CNTNAP2: variants seen among roughly 807,000 people sequenced by gnomAD.
CNTNAP2 encodes the protein contactin-associated protein-like 2.
Under a neutral mutation model 155.2 loss-of-function variants are expected in CNTNAP2, and 98 were observed. The observed-to-expected ratio is 0.63, with a 90% CI of 0.54 to 0.75. CNTNAP2 has a LOEUF of 0.75. Among genes scored for constraint, CNTNAP2 ranks in the 30% least tolerant of loss-of-function variants. CNTNAP2 has a pLI of 0.00. For synonymous variants in CNTNAP2, 651 were observed against 631.2 expected (o/e 1.03, Z -0.47); for missense variants, 1,727 against 1,688.1 (o/e 1.02, Z -0.40).
At chr7:148,008,280 G>A (rs924378858) in intron 15 of CNTNAP2, among the ~76,000 whole-genome samples, 2 of 152,140 alleles carry the variant, frequency 1.3e-5, no homozygotes, top group Non-Finnish European at 2.9e-5. Context: ...GCTGAGGCAG[G>A]AGAATTGCTT....
chr7:146,206,799 C>A (rs1798953896), intron 1 of CNTNAP2, among the ~76,000 whole-genome samples: 1 of 151,944 alleles, frequency 6.6e-6, no homozygotes, highest in Non-Finnish European at 1.5e-5. Flanking sequence ...AAAAATTAAT[C>A]ATCAACATGA....
At chr7:146,663,135 G>A (rs533050348) in intron 1 of CNTNAP2, among the ~76,000 whole-genome samples, 5 of 151,798 alleles carry the variant, frequency 3.3e-5, no homozygotes, top group South Asian at 4.2e-4. Flanking sequence ...AATAATAGCC[G>A]GCTGTGGTGG....
chr7:148,315,103 G>A (rs1399383572), intron 21 of CNTNAP2, among the ~76,000 whole-genome samples: 1 of 152,156 alleles, frequency 6.6e-6, no homozygotes, highest in African/African-American at 2.4e-5. Context: ...TTGGTCTGAG[G>A]ACCAGAGGTC....
At position 146,698,987 on chromosome 7, in the gene CNTNAP2, C is replaced by A. The variant is rs1800830684; in HGVS notation, c.98-75284C>A. The stretch of plus-strand genomic sequence containing the variant: ...TTCCTTTCAATTCTTTCTTGGAGTT[C>A]TCATCTCTATGCCTGCATTACCTAT... On this transcript the variant is annotated intron_variant, in intron 1 of 23. Transcript: ENST00000361727. Among the ~76,000 whole-genome samples the A allele has an allele frequency of 3.3e-5, 5 of 151,920 alleles. No individual in the cohort carries two copies. The South Asian group carries it at 1.0e-3, about 32-fold the overall frequency.
chr7:146,392,240 A>T (rs1319628613), intron 1 of CNTNAP2, among the ~76,000 whole-genome samples: 8 of 152,210 alleles, frequency 5.3e-5, no homozygotes, highest in Admixed American at 2.6e-4. Context: ...TTGAGAAATA[A>T]TACATGCCAA....
chr7:147,717,331 G>A (rs1422443934), intron 13 of CNTNAP2, among the ~76,000 whole-genome samples: 2 of 152,064 alleles, frequency 1.3e-5, no homozygotes, highest in African/African-American at 2.4e-5. Context: ...ACTTAACACG[G>A]CCAACACTAA....
chr7:146,767,528 A>G (rs777822905), intron 1 of CNTNAP2, among the ~76,000 whole-genome samples: 3 of 152,146 alleles, frequency 2.0e-5, no homozygotes, highest in Admixed American at 6.5e-5. Context: ...ATTGTATGAA[A>G]TTCTACAGGA....
At chr7:147,192,673 C>T (rs183951863) in intron 8 of CNTNAP2, among the ~76,000 whole-genome samples, 290 of 152,256 alleles carry the variant, frequency 1.9e-3, no homozygotes, top group Non-Finnish European at 3.2e-3. Flanking sequence ...TTTCCTTCTT[C>T]CCTGAACTGT....
At chr7:147,553,854 C>A (rs558578309) in intron 11 of CNTNAP2, among the ~76,000 whole-genome samples, 5 of 152,108 alleles carry the variant, frequency 3.3e-5, no homozygotes, top group Non-Finnish European at 7.4e-5. Context: ...GCCTGTAATC[C>A]CAGCTACCAA....
intron 1 of CNTNAP2, among the ~76,000 whole-genome samples, chr7:146,612,887 T>C (rs1032859088): frequency 1.3e-5 from 2 of 151,796 alleles, no homozygotes; most frequent in African/African-American, 2.4e-5. Flanking sequence ...CAATGTTGTT[T>C]AATCTTAGGA....
intron 2 of CNTNAP2, among the ~76,000 whole-genome samples, chr7:146,808,210 T>G (rs1482667093): frequency 1.3e-5 from 2 of 152,206 alleles, no homozygotes; most frequent in Non-Finnish European, 1.5e-5. Flanking sequence ...TATTTTCATC[T>G]CCTCACAATA....
rs534421880 is a variant in CNTNAP2 at position 146,931,739 on chromosome 7, A to C, written c.402+91835A>C. 2.5e-3 allele frequency among the ~76,000 whole-genome samples: 375 copies of C among 150,056 alleles called. 1 individual carries two copies. Among genetic ancestry groups the C allele is most frequent in the African/African-American group, 8.7e-3 (356 of 40,814 alleles). ...AGAAGAATCAAATAGACACAATAAA[A>C]AATGATAAAGGGGATATCACCACCG... On this transcript the variant is annotated intron_variant, in intron 3 of 23. Coordinates refer to ENST00000361727, the MANE Select transcript of CNTNAP2 (RefSeq NM_014141.6).
At chr7:146,907,013 C>A (rs984246314) in intron 3 of CNTNAP2, among the ~76,000 whole-genome samples, 40 of 150,148 alleles carry the variant, frequency 2.7e-4, no homozygotes, top group South Asian at 4.3e-4. Context: ...ATGCAGAAGC[C>A]TCAGGAGCCG....
chr7:148,077,536 A>G (rs1339336751), intron 15 of CNTNAP2, among the ~76,000 whole-genome samples: 2 of 152,224 alleles, frequency 1.3e-5, no homozygotes, highest in Admixed American at 6.5e-5. Context: ...TCCCATTTCA[A>G]GAAACCCTGG....
At position 148,418,598 on chromosome 7, in the gene CNTNAP2, G is replaced by A. The variant is rs1800046724; in HGVS notation, c.*2982G>A. Reference sequence around the variant, plus strand: ...GAATGCAAGGTTAGTGAGATCCTAAGCTCTCAAAATAGCATATTCCCTAGA... The same window carrying A: ...GAATGCAAGGTTAGTGAGATCCTAAACTCTCAAAATAGCATATTCCCTAGA... On this transcript the variant is annotated 3_prime_UTR_variant, in exon 24 of 24. Coordinates refer to ENST00000361727, the MANE Select transcript of CNTNAP2 (RefSeq NM_014141.6). 1 of 152,214 alleles carries A rather than the reference G, an allele frequency of 6.6e-6. No individual in the cohort carries two copies. The allele number at this position is 152,214 out of a possible 1,614,324, so 9.4% of individuals were successfully genotyped here.
chr7:147,592,772 GA>G (rs767216043), intron 12 of CNTNAP2, among the ~76,000 whole-genome samples: 4 of 152,164 alleles, frequency 2.6e-5, no homozygotes, highest in Non-Finnish European at 5.9e-5. Flanking sequence ...AACCCACTGT[GA>G]AATTTTCATT....
chr7:146,313,835 C>A (rs191785866), intron 1 of CNTNAP2, among the ~76,000 whole-genome samples: 2 of 152,198 alleles, frequency 1.3e-5, no homozygotes, highest in East Asian at 3.9e-4. Flanking sequence ...TCCGTCTCTA[C>A]TAAGAACACA....
chr7:146,645,051 A>T (rs906341946), intron 1 of CNTNAP2, among the ~76,000 whole-genome samples: 3 of 152,132 alleles, frequency 2.0e-5, no homozygotes, highest in South Asian at 4.1e-4. Context: ...TAGAGCAGAA[A>T]TTTTTTTAAA....
intron 1 of CNTNAP2, among the ~76,000 whole-genome samples, chr7:146,330,460 C>T (rs1432150082): frequency 3.3e-5 from 5 of 152,046 alleles, no homozygotes; most frequent in Admixed American, 1.3e-4. Flanking sequence ...AGCACACAAT[C>T]AATTGTATGT....
Sources: allele counts gnomAD v4.1 joint callset (sites outside exome capture counted in the v4.1 genomes callset), GRCh38; gene constraint gnomAD v4.1.1; transcripts MANE v1.5; gene names NCBI Gene and HGNC (gene_info 2026-07-23, HGNC 2026-07-21).